Variants in FSIP1 observed in about 807,000 individuals in gnomAD.
FSIP1 encodes the protein fibrous sheath-interacting protein 1.
Under a neutral mutation model 60.9 loss-of-function variants are expected in FSIP1, and 65 were observed. The ratio of observed to expected loss-of-function variants is 1.07; its 90% confidence interval spans 0.87 to 1.31. The LOEUF (loss-of-function observed/expected upper bound fraction) is 1.31, where lower values mean the gene tolerates loss of function less well. FSIP1 is among the 40% of genes most tolerant of loss of function. The probability of loss-of-function intolerance (pLI) is 0.00; values close to 1 mark genes in which losing one functional copy is unlikely to be tolerated. For synonymous variants in FSIP1, 209 were observed against 221.2 expected, an observed-to-expected ratio of 0.94 and a Z score of 0.49; for missense variants, 675 against 665.5, an observed-to-expected ratio of 1.01 and a Z score of -0.16.
chr15:39,752,585 T>C (rs1038723725), intron 5 of FSIP1, among the ~76,000 whole-genome samples: 3 of 152,084 alleles, frequency 2.0e-5, no homozygotes, highest in Non-Finnish European at 4.4e-5. Flanking sequence ...ATGAGATAAA[T>C]TCCAACTCTT....
At chr15:39,772,540 C>A (rs184257597) in intron 2 of FSIP1, among the ~76,000 whole-genome samples, 1 of 152,044 alleles carries the variant, frequency 6.6e-6, no homozygotes, top group East Asian at 1.9e-4. Flanking sequence ...AGCAACCCAC[C>A]CTCCTTGGCC....
At chr15:39,718,663 AT>A (rs757763033) in intron 9 of FSIP1, among the ~76,000 whole-genome samples, 1 of 151,708 alleles carries the variant, frequency 6.6e-6, no homozygotes, top group Admixed American at 6.6e-5. Flanking sequence ...CGCCTGGCTG[AT>A]TTTTTTTGTA....
chr15:39,744,752 C>CTGTCTGTCTG (rs10655046), intron 5 of FSIP1, among the ~76,000 whole-genome samples: 2 of 139,964 alleles, frequency 1.4e-5, no homozygotes, highest in African/African-American at 2.7e-5. Flanking sequence ...CTGTCTGTCT[C>CTGTCTGTCTG]TCTCTCTCTC....
chr15:39,778,375 T>C (rs1898133769), intron 1 of FSIP1, among the ~76,000 whole-genome samples: 1 of 152,206 alleles, frequency 6.6e-6, no homozygotes, highest in Non-Finnish European at 1.5e-5. Context: ...AAATCTTTCA[T>C]TTTGCTCTAG....
intron 10 of FSIP1, 50 bp downstream of exon 10, chr15:39,713,394 C>G: frequency 6.5e-7 from 1 of 1,530,198 alleles, no homozygotes; most frequent in Non-Finnish European, 8.8e-7. Flanking sequence ...TAGTGAGAAC[C>G]TGCCTCTATT....
chr15:39,765,782 AT>A (rs1384220628), intron 3 of FSIP1, 36 bp from the exon 4 acceptor site: 2 of 1,173,836 alleles, frequency 1.7e-6, no homozygotes, highest in Admixed American at 5.0e-5. Flanking sequence ...GGTTTGAAGT[AT>A]AGTAAAACTA....
chr15:39,741,615 A>G (rs959137757), intron 6 of FSIP1, among the ~76,000 whole-genome samples, 190 bp downstream of exon 6: 2 of 152,226 alleles, frequency 1.3e-5, no homozygotes, highest in Non-Finnish European at 2.9e-5. Flanking sequence ...TCAAACATCC[A>G]AAGTAGAATG....
intron 10 of FSIP1, among the ~76,000 whole-genome samples, chr15:39,619,588 G>T (rs1891368899): frequency 6.6e-6 from 1 of 152,126 alleles, no homozygotes; most frequent in Non-Finnish European, 1.5e-5. Flanking sequence ...TTAGTCACTA[G>T]GCATTTCAGG....
chr15:39,682,249 A>G (rs1894195391), intron 10 of FSIP1, among the ~76,000 whole-genome samples: 1 of 152,172 alleles, frequency 6.6e-6, no homozygotes, highest in African/African-American at 2.4e-5. Context: ...CACTAAAATC[A>G]TTATGGTCTG....
intron 11 of FSIP1, among the ~76,000 whole-genome samples, chr15:39,609,336 C>G (rs955045780): frequency 3.3e-5 from 5 of 152,190 alleles, no homozygotes; most frequent in African/African-American, 1.2e-4. Flanking sequence ...TCTCCTTAAG[C>G]CTTCCCCAGG....
chr15:39,743,902 A>G (rs1896890513), intron 5 of FSIP1, among the ~76,000 whole-genome samples: 1 of 152,224 alleles, frequency 6.6e-6, no homozygotes. Flanking sequence ...TAATAGGCCT[A>G]CTATCTTCAA....
chr15:39,712,658 T>C (rs1431662440), intron 10 of FSIP1, among the ~76,000 whole-genome samples: 2 of 152,278 alleles, frequency 1.3e-5, no homozygotes, highest in Non-Finnish European at 2.9e-5. Flanking sequence ...TGTTTAATTT[T>C]AGGTAAAATC....
rs914160624 is a variant in FSIP1 at position 39,696,293 on chromosome 15, G to A, written c.1188+17151C>T. 4.6e-5 allele frequency among the ~76,000 whole-genome samples: 7 copies of A among 151,882 alleles called. No homozygotes were observed. In the East Asian group the frequency reaches 5.8e-4, roughly 13 times the overall value. ...TAAAGACAGCTTTCCAATACAAAAC[G>A]AAAAGAATACCTTAATAAAATAAAT... On this transcript the variant is annotated intron_variant, in intron 10 of 11. Transcript: ENST00000350221.
intron 5 of FSIP1, among the ~76,000 whole-genome samples, chr15:39,758,385 T>C (rs888850121): frequency 1.3e-5 from 2 of 152,050 alleles, no homozygotes; most frequent in African/African-American, 4.8e-5. Flanking sequence ...ACAAGCAGGT[T>C]TGGTCTTTCA....
At chr15:39,722,246 C>T (rs150141503) in intron 9 of FSIP1, among the ~76,000 whole-genome samples, 42 of 151,982 alleles carry the variant, frequency 2.8e-4, no homozygotes, top group African/African-American at 8.9e-4. Context: ...TCTCCCATTA[C>T]CCCCGGATGG....
chr15:39,605,051 G>A (rs530017059), intron 11 of FSIP1, among the ~76,000 whole-genome samples: 7 of 152,218 alleles, frequency 4.6e-5, no homozygotes, highest in South Asian at 4.2e-4. Context: ...TCAATCTGCC[G>A]GCAACCAGGC....
At chr15:39,650,751 G>A (rs189192482) in intron 10 of FSIP1, among the ~76,000 whole-genome samples, 5 of 152,328 alleles carry the variant, frequency 3.3e-5, no homozygotes, top group East Asian at 1.9e-4. Flanking sequence ...AGTATTCACT[G>A]TACAATCCTA....
chr15:39,664,394 T>C (rs906072301), intron 10 of FSIP1, among the ~76,000 whole-genome samples: 2 of 152,156 alleles, frequency 1.3e-5, no homozygotes, highest in African/African-American at 4.8e-5. Context: ...CTATATAAAA[T>C]TGGTCTAGAA....
At chr15:39,684,850 A>G (rs1894301918) in intron 10 of FSIP1, among the ~76,000 whole-genome samples, 1 of 152,184 alleles carries the variant, frequency 6.6e-6, no homozygotes. Context: ...AACCCTGCAA[A>G]GCAAGTTATT....
Sources: allele counts gnomAD v4.1 joint callset (sites outside exome capture counted in the v4.1 genomes callset), GRCh38; gene constraint gnomAD v4.1.1; transcripts MANE v1.5; gene names NCBI Gene and HGNC (gene_info 2026-07-23, HGNC 2026-07-21).